The following ATL3 variants were observed in gnomAD, a reference collection of about 807,000 sequenced individuals.
ATL3 encodes the protein atlastin GTPase 3.
In ATL3, 49 loss-of-function variants were observed where a neutral mutation model predicts 69.5. The ratio of observed to expected loss-of-function variants is 0.71; its 90% CI spans 0.56 to 0.89. The LOEUF (loss-of-function observed/expected upper bound fraction) is 0.89, where lower values mean the gene tolerates loss of function less well. ATL3 is among the 40% of genes least tolerant of loss of function. The pLI is 0.00. For synonymous variants in ATL3, 214 were observed against 224.1 expected (o/e 0.95, Z 0.40); for missense variants, 606 against 645.7 (o/e 0.94, Z 0.67).
intron 1 of ATL3, among the ~76,000 whole-genome samples, chr11:63,664,299 G>A (rs1318060819): frequency 6.6e-6 from 1 of 152,132 alleles, no homozygotes; most frequent in Non-Finnish European, 1.5e-5. Context: ...AGCACCTTGG[G>A]AGGCCGAGGC....
intron 8 of ATL3, among the ~76,000 whole-genome samples, chr11:63,641,977 T>G (rs1337600444): frequency 6.6e-6 from 1 of 152,204 alleles, no homozygotes; most frequent in Non-Finnish European, 1.5e-5. Flanking sequence ...AGAATTCCAC[T>G]GGACACATTC....
At chr11:63,655,352 T>C (rs1940207178) in intron 3 of ATL3, among the ~76,000 whole-genome samples, 1 of 151,980 alleles carries the variant, frequency 6.6e-6, no homozygotes, top group African/African-American at 2.4e-5. Context: ...GGCATCACCA[T>C]GTTGGCCAGG....
rs1001845854 is a variant in ATL3, at chr11:63,626,632, A to C, written c.*2687T>G. On this transcript the variant is annotated 3_prime_UTR_variant, in exon 13 of 13. Coordinates refer to ENST00000398868, the MANE Select transcript of ATL3 (RefSeq NM_015459.5). ...TTATATATTCATAGGAATGAGTTCC[A>C]TATATTGTTAGGATTGTGTAAAATT... is the stretch of plus-strand genomic sequence containing the variant. 1.3e-5 allele frequency: 2 copies of C among 152,220 alleles called. No homozygotes were observed. Among genetic ancestry groups the C allele is most frequent in the African/African-American group, 4.8e-5 (2 of 41,448 alleles). The allele number at this position is 152,220 out of a possible 1,614,324, so 9.4% of individuals were successfully genotyped here.
intron 1 of ATL3, among the ~76,000 whole-genome samples, chr11:63,660,263 T>C (rs1051590560): frequency 6.6e-5 from 10 of 151,884 alleles, no homozygotes; most frequent in Non-Finnish European, 8.8e-5. Context: ...TAGCAATCCA[T>C]AAGAAAAAAA....
At chr11:63,631,854 C>G (rs1345016215) in intron 11 of ATL3, among the ~76,000 whole-genome samples, 3 of 152,138 alleles carry the variant, frequency 2.0e-5, no homozygotes, top group Non-Finnish European at 2.9e-5. Flanking sequence ...TGATGGCAGG[C>G]ACCTGTAATC....
chr11:63,632,053 G>A (rs1324857200), intron 11 of ATL3, among the ~76,000 whole-genome samples: 3 of 152,166 alleles, frequency 2.0e-5, no homozygotes, highest in Non-Finnish European at 4.4e-5. Flanking sequence ...CCTGGTTGAG[G>A]GTCCTCAGGG....
chr11:63,671,816 C>G, upstream of ATL3: 13 of 1,040,054 alleles, frequency 1.2e-5, no homozygotes, highest in Non-Finnish European at 1.6e-5. Flanking sequence ...CTCGGGTCCT[C>G]CTGCGAGCTG....
At chr11:63,642,294 T>A (rs1939724710) in intron 8 of ATL3, among the ~76,000 whole-genome samples, 1 of 152,070 alleles carries the variant, frequency 6.6e-6, no homozygotes, top group African/African-American at 2.4e-5. Context: ...AAGTGACAAA[T>A]AAAAGGTAAA....
chr11:63,652,561 C>T lies in ATL3; in HGVS notation c.420G>A (p.Leu140=), dbSNP rs1214272548. ...TGTCAAATGCCCCCTGGGTATCCAT[C>T]AGAACAACTGCAACCTAAAAAAAAG... The part of the protein sequence containing the change: ...KPGGKKVAVV[L]MDTQGAFDSQ... Residue 140 remains leucine (L), a synonymous_variant, in exon 4 of 13, where the codon CTG becomes CTA. Coordinates refer to ENST00000398868, the MANE Select transcript of ATL3 (RefSeq NM_015459.5). 1 of 1,609,086 alleles carries T rather than the reference C, an allele frequency of 6.2e-7. No individual in the cohort carries two copies. Among genetic ancestry groups the T allele is most frequent in the South Asian group, 1.1e-5 (1 of 90,360 alleles).
chr11:63,652,462 G>A lies in ATL3; in HGVS notation c.510+9C>T, dbSNP rs1287326458. 4.0e-6 allele frequency: 6 copies of A among 1,505,286 alleles called. No individual in the cohort carries two copies. Among genetic ancestry groups the A allele is most frequent in the Non-Finnish European group, 5.4e-6 (6 of 1,117,446 alleles). 93.2% of individuals were successfully genotyped at this position (1,505,286 alleles called of 1,614,324 possible). Reference sequence around the variant, plus strand: ...TTGCGAGCTTTTTTCTGAGTCAAGTGGTTTTTACCTGAACAGAACTAGTCA... The same window carrying A: ...TTGCGAGCTTTTTTCTGAGTCAAGTAGTTTTTACCTGAACAGAACTAGTCA... On this transcript the variant is annotated intron_variant, in intron 4 of 12. Coordinates refer to ENST00000398868, the MANE Select transcript of ATL3 (RefSeq NM_015459.5).
At chr11:63,661,272 G>A (rs1222555520) in intron 1 of ATL3, among the ~76,000 whole-genome samples, 1 of 151,388 alleles carries the variant, frequency 6.6e-6, no homozygotes, top group African/African-American at 2.4e-5. Context: ...TCAGCATATT[G>A]CCCAACAGGT....
intron 5 of ATL3, among the ~76,000 whole-genome samples, chr11:63,651,391 G>A (rs1940074073): frequency 6.6e-6 from 1 of 150,732 alleles, no homozygotes; most frequent in South Asian, 2.1e-4. Context: ...GGGGACAAGA[G>A]CAAGACTTCG....
intron 7 of ATL3, 75 bp from the exon 8 acceptor site, chr11:63,643,570 CAAAGG>C: frequency 7.1e-7 from 1 of 1,412,040 alleles, no homozygotes; most frequent in East Asian, 2.3e-5. Flanking sequence ...AGTATAAGGA[CAAAGG>C]AAAGAAGACT....
Position 63,624,550 on chromosome 11 carries a change from C to T in ATL3, c.*4769G>A, listed in dbSNP as rs1939041322. The T allele has an allele frequency of 6.6e-6, 1 of 152,074 alleles. No homozygotes were observed. The highest frequency in any genetic ancestry group is 1.5e-5 in the Non-Finnish European group (1 of 67,988). The allele number at this position is 152,074 out of a possible 1,614,324, so 9.4% of individuals were successfully genotyped here. On this transcript the variant is annotated 3_prime_UTR_variant, in exon 13 of 13. Coordinates refer to ENST00000398868, the MANE Select transcript of ATL3 (RefSeq NM_015459.5). ...TTAGGATCTTGTCTTCTTTCTTGTT[C>T]ATTATTTTTATTTGTGGCTTAATGT...
At chr11:63,630,614 G>T (rs1939280509) in intron 12 of ATL3, among the ~76,000 whole-genome samples, 1 of 151,828 alleles carries the variant, frequency 6.6e-6, no homozygotes, top group East Asian at 1.9e-4. Context: ...TGGTCAACAT[G>T]GTGAAACCCT....
At position 63,633,972 on chromosome 11, in the gene ATL3, T is replaced by C. The variant is rs1359128019; in HGVS notation, c.1036-875A>G. Among the ~76,000 whole-genome samples, 2 of 143,894 alleles carry C rather than the reference T, an allele frequency of 1.4e-5. 1 individual carries two copies. 94.4% of individuals were successfully genotyped at this position (143,894 alleles called of 152,430 possible). A position where few individuals can be genotyped will look rare whatever the true frequency, so the allele number is the denominator to read the frequency against. On this transcript the variant is annotated intron_variant, in intron 10 of 12. Coordinates refer to ENST00000398868, the MANE Select transcript of ATL3 (RefSeq NM_015459.5). ...ACTACTTGAACCCAGGAGGTAGAGG[T>C]TGCAGTGAGCCGAGATCACGCCACT...
chr11:63,671,495 G>T (rs991803778), upstream of ATL3: 2 of 1,456,826 alleles, frequency 1.4e-6, no homozygotes, highest in East Asian at 5.8e-5. Flanking sequence ...CGGAGCGAGC[G>T]CAGCGCGGTC....
chr11:63,662,212 C>CAA (rs1228390912), intron 1 of ATL3, among the ~76,000 whole-genome samples: 95 of 84,734 alleles, frequency 1.1e-3, no homozygotes, highest in African/African-American at 3.9e-3. Context: ...GACTCTATCT[C>CAA]AAAAAAAAAA....
intron 1 of ATL3, among the ~76,000 whole-genome samples, chr11:63,665,492 G>C (rs1940549052): frequency 6.6e-6 from 1 of 152,102 alleles, no homozygotes; most frequent in South Asian, 2.1e-4. Context: ...CAAGAATAAA[G>C]GAAGGGAACC....
Sources: allele counts gnomAD v4.1 joint callset (sites outside exome capture counted in the v4.1 genomes callset), GRCh38; gene constraint gnomAD v4.1.1; transcripts MANE v1.5; gene names NCBI Gene and HGNC (gene_info 2026-07-23, HGNC 2026-07-21).